Variants in CCDC7 observed in about 807,000 individuals in gnomAD.
CCDC7 encodes coiled-coil domain containing 7.
Under a neutral mutation model 196.9 loss-of-function variants are expected in CCDC7, and 183 were observed. The observed-to-expected ratio is 0.93, with a 90% CI of 0.82 to 1.05. CCDC7 has a LOEUF of 1.05. Ranked by LOEUF, CCDC7 falls within the 50% of genes least tolerant of loss-of-function variation. CCDC7 has a pLI of 0.00. For synonymous variants in CCDC7, 525 were observed against 484.6 expected (o/e 1.08, Z -1.10); for missense variants, 1,540 against 1,482.2 (o/e 1.04, Z -0.64).
intron 21 of CCDC7, among the ~76,000 whole-genome samples, chr10:32,684,223 G>A (rs1233309080): frequency 9.9e-5 from 15 of 152,256 alleles, no homozygotes; most frequent in Non-Finnish European, 2.1e-4. Flanking sequence ...ATCCTGGGGC[G>A]CATGGGAGAT....
intron 18 of CCDC7, among the ~76,000 whole-genome samples, chr10:32,609,068 G>T (rs2061825008): frequency 1.3e-5 from 2 of 152,190 alleles, no homozygotes; most frequent in Non-Finnish European, 2.9e-5. Context: ...GTGTCCTGGT[G>T]AGAAGATGCA....
At chr10:32,850,667 T>G (rs1181912161) in intron 39 of CCDC7, among the ~76,000 whole-genome samples, 2 of 152,156 alleles carry the variant, frequency 1.3e-5, no homozygotes, top group African/African-American at 4.8e-5. Flanking sequence ...TTGGCATCAG[T>G]GCCAAAGACC....
intron 23 of CCDC7, among the ~76,000 whole-genome samples, chr10:32,689,599 T>C (rs967526301): frequency 1.3e-5 from 2 of 152,148 alleles, no homozygotes; most frequent in Non-Finnish European, 2.9e-5. Context: ...TAAGGGACTC[T>C]AGGGCATCCT....
upstream of CCDC7, among the ~76,000 whole-genome samples, chr10:32,445,045 G>A (rs1187248433): frequency 5.9e-5 from 9 of 151,898 alleles, no homozygotes. Context: ...GTAGAGATGG[G>A]GTTTCACCAT....
intron 41 of CCDC7, among the ~76,000 whole-genome samples, chr10:32,857,231 C>T (rs11815710): frequency 0.028 from 4,261 of 152,236 alleles, 218 homozygotes; most frequent in African/African-American, 0.097. Context: ...GTGACAGTCT[C>T]CCCAAGGAAG....
intron 9 of CCDC7, among the ~76,000 whole-genome samples, chr10:32,498,144 G>A (rs2043205070): frequency 6.6e-6 from 1 of 152,066 alleles, no homozygotes; most frequent in African/African-American, 2.4e-5. Context: ...TTATGATTAT[G>A]TAATGCCCTT....
At chr10:32,753,895 G>A (rs183917511) in intron 28 of CCDC7, among the ~76,000 whole-genome samples, 13 of 151,984 alleles carry the variant, frequency 8.6e-5, no homozygotes, top group East Asian at 3.9e-4. Context: ...TTCGTTTTTT[G>A]TGAGTAGATA....
intron 31 of CCDC7, among the ~76,000 whole-genome samples, chr10:32,823,188 G>C (rs1224581561): frequency 1.3e-5 from 2 of 151,852 alleles, no homozygotes; most frequent in African/African-American, 4.8e-5. Context: ...TGTTGCCCAG[G>C]CTGGAGTACA....
At chr10:32,670,731 A>G (rs1182139647) in intron 21 of CCDC7, among the ~76,000 whole-genome samples, 1 of 152,086 alleles carries the variant, frequency 6.6e-6, no homozygotes, top group Non-Finnish European at 1.5e-5. Context: ...TCATCATTTC[A>G]AAATACCAAC....
chr10:32,862,482 G>T (rs1456340618), intron 41 of CCDC7, among the ~76,000 whole-genome samples: 1 of 151,858 alleles, frequency 6.6e-6, no homozygotes, highest in East Asian at 1.9e-4. Flanking sequence ...GGGTTGATGG[G>T]TGCAGCAAAC....
chr10:32,500,538 G>A (rs2043810778), intron 9 of CCDC7, among the ~76,000 whole-genome samples: 1 of 151,722 alleles, frequency 6.6e-6, no homozygotes, highest in African/African-American at 2.4e-5. Context: ...TGATGGCTAG[G>A]AAGAGGTGCT....
chr10:32,520,309 G>C (rs1486126821), intron 11 of CCDC7, among the ~76,000 whole-genome samples: 1 of 152,016 alleles, frequency 6.6e-6, no homozygotes, highest in African/African-American at 2.4e-5. Flanking sequence ...TTTCCATAGT[G>C]GTTTTACTAA....
chr10:32,819,575 C>G (rs548585690), intron 31 of CCDC7, among the ~76,000 whole-genome samples: 54 of 152,278 alleles, frequency 3.5e-4, no homozygotes, highest in Admixed American at 5.9e-4. Context: ...CAATAAAATA[C>G]TGACAAACTG....
chr10:32,877,752 G>A (rs2094640083), downstream of CCDC7, among the ~76,000 whole-genome samples: 1 of 152,068 alleles, frequency 6.6e-6, no homozygotes, highest in African/African-American at 2.4e-5. Flanking sequence ...TACTTTTCAA[G>A]CCTAAATACA....
chr10:32,800,861 G>A (rs72782295), intron 29 of CCDC7, among the ~76,000 whole-genome samples: 1 of 152,222 alleles, frequency 6.6e-6, no homozygotes, highest in African/African-American at 2.4e-5. Flanking sequence ...GGAATTTTCT[G>A]CTTATATAAA....
chr10:32,851,836 G>T, exon 40 of CCDC7: 2 of 1,612,502 alleles, frequency 1.2e-6, no homozygotes, highest in East Asian at 4.5e-5. Flanking sequence ...TTCACCCTAT[G>T]TGACTGCACC....
intron 18 of CCDC7, among the ~76,000 whole-genome samples, chr10:32,590,391 C>A (rs771466243): frequency 6.6e-6 from 1 of 151,896 alleles, no homozygotes; most frequent in African/African-American, 2.4e-5. Context: ...TAACTTCATC[C>A]CCCTGCTTTT....
chr10:32,769,325 A>C (rs2078800792), intron 28 of CCDC7, among the ~76,000 whole-genome samples: 1 of 151,526 alleles, frequency 6.6e-6, no homozygotes, highest in Non-Finnish European at 1.5e-5. Flanking sequence ...AATCTTTTTA[A>C]ATTTCTGTGG....
At chr10:32,489,888 T>TTG (rs1221541626) in intron 8 of CCDC7, among the ~76,000 whole-genome samples, 1 of 151,678 alleles carries the variant, frequency 6.6e-6, no homozygotes, top group Non-Finnish European at 1.5e-5. Context: ...ACACATGGAA[T>TTG]TGGGGCATGG....
Sources: gnomAD v4.1 joint callset for allele counts (sites outside exome capture counted in the v4.1 genomes callset) on GRCh38, gnomAD v4.1.1 for gene constraint, MANE v1.5 for transcripts, NCBI Gene and HGNC (gene_info 2026-07-23, HGNC 2026-07-21) for gene names.